Variants in SENP6 observed in about 807,000 individuals in gnomAD.
SENP6 encodes the protein sentrin-specific protease 6.
Under a neutral mutation model 134.5 loss-of-function variants are expected in SENP6, and 41 were observed. That is an observed-to-expected ratio of 0.30 (90% CI 0.24 to 0.40). The LOEUF (loss-of-function observed/expected upper bound fraction) is 0.40, where lower values mean the gene tolerates loss of function less well. SENP6 is among the 10% of genes least tolerant of loss of function. SENP6 has a pLI of 1.00. For synonymous variants in SENP6, 395 were observed against 429.8 expected, an observed-to-expected ratio of 0.92 and a Z score of 1.00; for missense variants, 1,248 against 1,312.5, an observed-to-expected ratio of 0.95 and a Z score of 0.76.
chr6:75,652,698 A>AAAAAAAAAAAAAG (rs1554166656), intron 7 of SENP6, among the ~76,000 whole-genome samples: 1 of 148,624 alleles, frequency 6.7e-6, no homozygotes, highest in African/African-American at 2.5e-5. Context: ...AAAAAAAAAA[A>AAAAAAAAAAAAAG]AAAAAGAAAA....
intron 14 of SENP6, chr6:75,677,984 G>A (rs1773209596): frequency 6.6e-6 from 1 of 152,518 alleles, no homozygotes; most frequent in African/African-American, 2.4e-5. Context: ...CCAGAGAAGA[G>A]CTGTAAATAT....
At chr6:75,644,354 A>G (rs1401820816) in intron 6 of SENP6, among the ~76,000 whole-genome samples, 1 of 152,182 alleles carries the variant, frequency 6.6e-6, no homozygotes, top group Non-Finnish European at 1.5e-5. Flanking sequence ...AGTTCTCTCT[A>G]AATACTGAAA....
intron 14 of SENP6, chr6:75,677,479 C>T: frequency 2.5e-6 from 1 of 392,254 alleles, no homozygotes; most frequent in Non-Finnish European, 4.6e-6. Flanking sequence ...TTGGTTCCTC[C>T]ACATTCTATC....
At chr6:75,693,568 CTG>C (rs199880096) in intron 16 of SENP6, among the ~76,000 whole-genome samples, 1,735 of 152,254 alleles carry the variant, frequency 0.011, 31 homozygotes, top group African/African-American at 0.039. Context: ...TTAATATAAA[CTG>C]TGTCTTGATC....
Position 75,715,879 on chromosome 6 carries a change from CAAATA to C in SENP6, c.*289_*293del. 5.1e-6 allele frequency: 1 copy of C among 195,776 alleles called. No homozygotes were observed. The highest frequency in any genetic ancestry group is 2.3e-5 in the African/African-American group (1 of 43,036). The allele number at this position is 195,776 out of a possible 1,614,324, so 12.1% of individuals were successfully genotyped here. A position where few individuals can be genotyped will look rare whatever the true frequency, so the allele number is the denominator to read the frequency against. On this transcript the variant is annotated 3_prime_UTR_variant, in exon 24 of 24. Transcript: ENST00000447266. Reference sequence around the variant, plus strand: ...TACCTAAAATTGCAACTTCTAAACACAAATAAAAAGAAAATATTTATAGGAGGAAA... The same window carrying C: ...TACCTAAAATTGCAACTTCTAAACACAAAAGAAAATATTTATAGGAGGAAA...
chr6:75,644,266 A>T (rs1338837566), intron 6 of SENP6: 1 of 152,076 alleles, frequency 6.6e-6, no homozygotes, highest in Non-Finnish European at 1.5e-5. Flanking sequence ...GAGCCAACTA[A>T]AAGGGCTCCC....
intron 9 of SENP6, 69 bp downstream of exon 9, chr6:75,663,587 A>T: frequency 9.2e-7 from 1 of 1,087,676 alleles, no homozygotes. Flanking sequence ...TTTTACAACC[A>T]CTCTCCCCAA....
intron 16 of SENP6, among the ~76,000 whole-genome samples, chr6:75,690,074 G>T (rs1774131392): frequency 6.6e-6 from 1 of 152,116 alleles, no homozygotes. Flanking sequence ...GTCACACCCT[G>T]CTAATTTTTT....
In SENP6 at chr6:75,666,847, A is replaced by C; in HGVS notation, c.1130A>C (p.Asn377Thr). Reference protein sequence around the residue: ...TGKVEAALNENTCRAERELRS... With the variant: ...TGKVEAALNETTCRAERELRS... ...AAAGTAGAAGCAGCGCTAAATGAAA[A>C]TACTTGCAGAGCAGAGCGTGAACTA... Residue 377 changes from asparagine to threonine, a missense_variant, in exon 10 of 24, where the codon AAT (asparagine) becomes ACT (threonine). By Grantham distance (65) the Asn-to-Thr change is moderately conservative (BLOSUM62 0). Coordinates refer to ENST00000447266, the MANE Select transcript of SENP6 (RefSeq NM_015571.4). 1 of 1,613,856 alleles carries C rather than the reference A, an allele frequency of 6.2e-7. No individual in the cohort carries two copies. Among genetic ancestry groups the C allele is most frequent in the Non-Finnish European group, 8.5e-7 (1 of 1,179,752 alleles).
intron 3 of SENP6, among the ~76,000 whole-genome samples, chr6:75,630,295 C>T (rs1769012935): frequency 6.6e-6 from 1 of 152,130 alleles, no homozygotes; most frequent in Non-Finnish European, 1.5e-5. Flanking sequence ...GTCTCAAACT[C>T]CTAACCTGAG....
At chr6:75,672,677 T>G (rs1428854001) in intron 11 of SENP6, among the ~76,000 whole-genome samples, 1 of 152,228 alleles carries the variant, frequency 6.6e-6, no homozygotes, top group Non-Finnish European at 1.5e-5. Context: ...GTGAAATGAT[T>G]TATCTGCCAA....
chr6:75,692,633 T>G lies in SENP6; in HGVS notation c.2076-3171T>G, dbSNP rs139736754. 1.2e-3 allele frequency among the ~76,000 whole-genome samples: 181 copies of G among 151,536 alleles called. 1 individual carries two copies. Among genetic ancestry groups the G allele is most frequent in the African/African-American group, 4.2e-3 (172 of 41,276 alleles). ...AGAGTGAGACTTTATCTCAAAGAAA[T>G]AAATAAAGCACAGGCTGGGTGTGGT... is the stretch of plus-strand genomic sequence containing the variant. On this transcript the variant is annotated intron_variant, in intron 16 of 23. Transcript: ENST00000447266.
intron 16 of SENP6, among the ~76,000 whole-genome samples, chr6:75,689,229 A>G (rs1202003766): frequency 6.6e-6 from 1 of 152,186 alleles, no homozygotes; most frequent in Non-Finnish European, 1.5e-5. Context: ...GCAAGACACT[A>G]TATCCAAGAA....
chr6:75,604,859 G>C (rs902251870), intron 1 of SENP6, among the ~76,000 whole-genome samples: 1 of 151,764 alleles, frequency 6.6e-6, no homozygotes, highest in African/African-American at 2.4e-5. Context: ...GATCACCTGA[G>C]GTCAGGAGTT....
At chr6:75,635,832 C>T (rs1405868135) in intron 5 of SENP6, among the ~76,000 whole-genome samples, 1 of 151,962 alleles carries the variant, frequency 6.6e-6, no homozygotes, top group Non-Finnish European at 1.5e-5. Context: ...CATTCTTATG[C>T]CCTGATCATA....
chr6:75,659,682 CAA>C (rs1164206007), intron 8 of SENP6, among the ~76,000 whole-genome samples: 1 of 152,024 alleles, frequency 6.6e-6, no homozygotes, highest in Non-Finnish European at 1.5e-5. Context: ...TTTAAGAAGC[CAA>C]AAAGTTACAA....
intron 5 of SENP6, 120 bp from the exon 6 acceptor site, chr6:75,640,564 A>G: frequency 2.3e-6 from 1 of 428,784 alleles, no homozygotes; most frequent in Non-Finnish European, 4.1e-6. Context: ...TATATAATGT[A>G]TTTAAAACAA....
chr6:75,701,633 CTT>C (rs60715314), intron 18 of SENP6, among the ~76,000 whole-genome samples: 4 of 80,140 alleles, frequency 5.0e-5, no homozygotes, highest in African/African-American at 2.0e-4. Flanking sequence ...ACAGTTTAAT[CTT>C]TTTTTTTTTT....
intron 16 of SENP6, among the ~76,000 whole-genome samples, chr6:75,687,405 C>T (rs1438469176): frequency 6.6e-6 from 1 of 152,200 alleles, no homozygotes; most frequent in Admixed American, 6.5e-5. Context: ...TCTGTCAACT[C>T]GTCAAAGTCA....
Sources: gnomAD v4.1 joint callset for allele counts (sites outside exome capture counted in the v4.1 genomes callset) on GRCh38, gnomAD v4.1.1 for gene constraint, MANE v1.5 for transcripts, NCBI Gene and HGNC (gene_info 2026-07-23, HGNC 2026-07-21) for gene names.